Variants in SIK3 observed in about 807,000 individuals in gnomAD.
The protein encoded by SIK3 is SIK family kinase 3.
Under a neutral mutation model 144.2 loss-of-function variants are expected in SIK3, and 28 were observed. The observed-to-expected ratio is 0.19, with a 90% CI of 0.14 to 0.27. The LOEUF (loss-of-function observed/expected upper bound fraction) is 0.27. Among genes scored for constraint, SIK3 ranks in the 10% least tolerant of loss-of-function variants. SIK3 has a pLI of 1.00. For synonymous variants in SIK3, 686 were observed against 676.3 expected, an observed-to-expected ratio of 1.01 and a Z score of -0.22; for missense variants, 1,319 against 1,776.0, an observed-to-expected ratio of 0.74 and a Z score of 4.62.
At chr11:116,968,502 G>GA (rs1949645277) in intron 1 of SIK3, among the ~76,000 whole-genome samples, 1 of 152,058 alleles carries the variant, frequency 6.6e-6, no homozygotes, top group Non-Finnish European at 1.5e-5. Context: ...CATTGCCATA[G>GA]AAAAAACTGA....
At chr11:116,905,434 T>G (rs1945975132) in intron 4 of SIK3, among the ~76,000 whole-genome samples, 1 of 152,220 alleles carries the variant, frequency 6.6e-6, no homozygotes, top group South Asian at 2.1e-4. Context: ...AGTTTCTGTG[T>G]GGCCATATGG....
chr11:116,955,749 A>G (rs138964170), intron 2 of SIK3, among the ~76,000 whole-genome samples: 92 of 152,240 alleles, frequency 6.0e-4, no homozygotes, highest in African/African-American at 1.8e-3. Context: ...AAGCTTTCAT[A>G]AGTTTGCTTG....
chr11:116,965,665 G>A (rs1045544211), intron 1 of SIK3, among the ~76,000 whole-genome samples: 4 of 122,932 alleles, frequency 3.3e-5, no homozygotes, highest in East Asian at 2.1e-4. Context: ...AGGCTGAGGC[G>A]GGCAGATCAC....
chr11:116,998,700 G>A (rs768841393), intron 1 of SIK3, among the ~76,000 whole-genome samples: 2 of 152,214 alleles, frequency 1.3e-5, no homozygotes, highest in South Asian at 2.1e-4. Flanking sequence ...CTAATGCCTC[G>A]AGAAAGCCCA....
chr11:117,030,927 G>A (rs1318248404), intron 1 of SIK3, among the ~76,000 whole-genome samples: 1 of 152,122 alleles, frequency 6.6e-6, no homozygotes. Context: ...TCTCTTCATG[G>A]GGTTACATGC....
chr11:117,060,754 T>A lies in SIK3; in HGVS notation c.273+37389A>T, dbSNP rs1468580334. Among the ~76,000 whole-genome samples, 7 of 152,228 alleles carry A rather than the reference T, an allele frequency of 4.6e-5. No individual in the cohort carries two copies. In the East Asian group the frequency reaches 1.3e-3, roughly 29 times the overall value. On this transcript the variant is annotated intron_variant, in intron 1 of 24. Transcript: ENST00000445177. ...AAATTTGTGAAAACTCTTACAAATGTGCAACACAAACTATGGATTCTAATG... is the reference window on the plus strand; with the variant it reads ...AAATTTGTGAAAACTCTTACAAATGAGCAACACAAACTATGGATTCTAATG...
rs1228204657 is a variant in SIK3 at position 116,844,596 on chromosome 11, T to TTTATATATATA, written c.*1036_*1046dup. 2 of 89,790 alleles carry TTTATATATATA rather than the reference T, an allele frequency of 2.2e-5. No individual in the cohort carries two copies. Among genetic ancestry groups the TTTATATATATA allele is most frequent in the East Asian group, 4.5e-4 (2 of 4,494 alleles). The allele number at this position is 89,790 out of a possible 1,614,324, so 5.6% of individuals were successfully genotyped here. On this transcript the variant is annotated 3_prime_UTR_variant, in exon 25 of 25. Coordinates refer to ENST00000445177, the MANE Select transcript of SIK3 (RefSeq NM_001366686.3). ...AAGAGGAGAGCATATATATATATAT[T>TTTATATATATA]TTATATATATATTATATATATAATA...
At chr11:116,862,998 C>T (rs995250584) in intron 16 of SIK3, among the ~76,000 whole-genome samples, 3 of 151,662 alleles carry the variant, frequency 2.0e-5, no homozygotes, top group African/African-American at 4.9e-5. Flanking sequence ...CTCTAGAACC[C>T]AGGAGGCGGA....
At chr11:117,086,393 T>C (rs543852428) in intron 1 of SIK3, among the ~76,000 whole-genome samples, 16 of 152,346 alleles carry the variant, frequency 1.1e-4, no homozygotes, top group African/African-American at 2.9e-4. Flanking sequence ...AAAATAGTTA[T>C]TTAAAAATCA....
At chr11:117,023,150 T>G (rs1321981461) in intron 1 of SIK3, among the ~76,000 whole-genome samples, 1 of 152,168 alleles carries the variant, frequency 6.6e-6, no homozygotes, top group Non-Finnish European at 1.5e-5. Context: ...TCAATCATTC[T>G]TATTAGCAGT....
intron 3 of SIK3, among the ~76,000 whole-genome samples, chr11:116,939,097 A>C (rs913632104): frequency 6.6e-6 from 1 of 152,208 alleles, no homozygotes; most frequent in African/African-American, 2.4e-5. Context: ...ATAACTCATA[A>C]ATGTTGAATG....
At chr11:116,914,206 A>ATTT (rs34155083) in intron 4 of SIK3, among the ~76,000 whole-genome samples, 1 of 133,996 alleles carries the variant, frequency 7.5e-6, no homozygotes, top group Non-Finnish European at 1.6e-5. Context: ...CCCCTTCTCA[A>ATTT]TTTTTTTTTT....
intron 1 of SIK3, among the ~76,000 whole-genome samples, chr11:116,975,283 CAACCATCACAATCT>C (rs1949907769): frequency 7.2e-6 from 1 of 139,570 alleles, no homozygotes; most frequent in East Asian, 2.0e-4. Context: ...CAGGATAGTG[CAACCATCACAATCT>C]AACTGAACAT....
chr11:116,873,869 C>T (rs747935623), intron 12 of SIK3, 34 bp downstream of exon 12: 1 of 1,585,830 alleles, frequency 6.3e-7, no homozygotes, highest in Non-Finnish European at 8.6e-7. Flanking sequence ...AAGTTTGTTT[C>T]TTCTGGAGCC....
chr11:116,955,740 A>G (rs1023425658), intron 2 of SIK3, among the ~76,000 whole-genome samples: 1 of 152,192 alleles, frequency 6.6e-6, no homozygotes, highest in African/African-American at 2.4e-5. Context: ...AGCACCAGGA[A>G]GCTTTCATAA....
At chr11:117,024,003 A>ACTAT (rs1951906508) in intron 1 of SIK3, among the ~76,000 whole-genome samples, 2 of 151,890 alleles carry the variant, frequency 1.3e-5, no homozygotes, top group Non-Finnish European at 2.9e-5. Flanking sequence ...GTCACAAACC[A>ACTAT]CTATCTGCTC....
chr11:116,910,065 T>G (rs1203244917), intron 4 of SIK3, among the ~76,000 whole-genome samples: 2 of 152,196 alleles, frequency 1.3e-5, no homozygotes, highest in Non-Finnish European at 2.9e-5. Context: ...GTGTGAGTGA[T>G]ATGCTTATTA....
At chr11:116,872,850 T>A (rs1438724922) in intron 13 of SIK3, among the ~76,000 whole-genome samples, 1 of 152,074 alleles carries the variant, frequency 6.6e-6, no homozygotes, top group African/African-American at 2.4e-5. Context: ...TACTACCCAA[T>A]CTTATGGTAC....
At chr11:116,905,481 T>C (rs1374125641) in intron 4 of SIK3, among the ~76,000 whole-genome samples, 1 of 152,236 alleles carries the variant, frequency 6.6e-6, no homozygotes, top group Admixed American at 6.5e-5. Context: ...GGAGTGGAAC[T>C]GCTGGGTCAT....
Sources: allele counts gnomAD v4.1 joint callset (sites outside exome capture counted in the v4.1 genomes callset), GRCh38; gene constraint gnomAD v4.1.1; transcripts MANE v1.5; gene names NCBI Gene and HGNC (gene_info 2026-07-23, HGNC 2026-07-21).